Variants in DSCAM observed in about 807,000 individuals in gnomAD.
DSCAM encodes DS cell adhesion molecule.
A neutral mutation model predicts 217.7 loss-of-function variants in DSCAM; 47 were observed. That is an observed-to-expected ratio of 0.22 (90% CI 0.17 to 0.28). The LOEUF is 0.28. DSCAM is among the 10% of genes least tolerant of loss of function. The pLI, the probability that DSCAM is intolerant of heterozygous loss-of-function variation, is 1.00. For missense variants in DSCAM, 2,080 were observed against 2,618.3 expected (o/e 0.79, Z 4.49); for synonymous variants, 1,056 against 1,015.3 (o/e 1.04, Z -0.76).
At chr21:40,517,492 A>G (rs2076312433) in intron 3 of DSCAM, among the ~76,000 whole-genome samples, 1 of 151,556 alleles carries the variant, frequency 6.6e-6, no homozygotes, top group African/African-American at 2.4e-5. Context: ...CTACCATATA[A>G]CATTGTTAGG....
At chr21:40,453,244 A>G (rs781772112) in intron 3 of DSCAM, among the ~76,000 whole-genome samples, 1 of 152,120 alleles carries the variant, frequency 6.6e-6, no homozygotes, top group Non-Finnish European at 1.5e-5. Flanking sequence ...GTACTCCCTT[A>G]TCTCTTTCAG....
At chr21:40,317,288 C>G (rs1333394867) in intron 8 of DSCAM, among the ~76,000 whole-genome samples, 1 of 152,168 alleles carries the variant, frequency 6.6e-6, no homozygotes, top group East Asian at 1.9e-4. Context: ...ATTACTGACC[C>G]AGTCTGATAC....
chr21:40,178,918 C>T lies in DSCAM; in HGVS notation c.2947+9G>A, dbSNP rs1482080026. 1 of 1,612,766 alleles carries T rather than the reference C, an allele frequency of 6.2e-7. No homozygotes were observed. The highest frequency in any genetic ancestry group is 8.5e-7 in the Non-Finnish European group (1 of 1,179,940). ...CCTCTGGAGCAAGGTTCCGCCCGGT[C>T]CCACGTACCTGCCTCGTCCGCCGTG... On this transcript the variant is annotated intron_variant, in intron 15 of 32. Transcript: ENST00000400454.
chr21:40,737,716 C>A (rs1324814662), intron 1 of DSCAM, among the ~76,000 whole-genome samples: 5 of 152,176 alleles, frequency 3.3e-5, no homozygotes, highest in Admixed American at 3.3e-4. Context: ...CACTAAGCCA[C>A]AGGGAGAGGA....
Position 40,042,504 on chromosome 21 carries a change from T to G in DSCAM, c.5553A>C (p.Thr1851=), listed in dbSNP as rs771399250. 8 of 1,614,098 alleles carry G rather than the reference T, an allele frequency of 5.0e-6. No individual in the cohort carries two copies. The highest frequency in any genetic ancestry group is 6.8e-6 in the Non-Finnish European group (8 of 1,180,044). Residue 1851 remains threonine (T), a synonymous_variant, in exon 32 of 33, where the codon ACA becomes ACC. Coordinates refer to ENST00000400454, the MANE Select transcript of DSCAM (RefSeq NM_001389.5). The part of the protein sequence containing the change: ...DTSSEQLTAG[T]NEYTDSLTSS... ...AGGTCAGACTGTCCGTGTACTCATT[T>G]GTCCCTGCCGTCAACTGCTCCGATG...
chr21:40,425,447 T>C lies in DSCAM; in HGVS notation c.509-56202A>G, dbSNP rs535438707. ...GCAGCACACCAACCTGGCGCATGTA[T>C]ACATATGTAACAAACCTGCACGTTG... On this transcript the variant is annotated intron_variant, in intron 3 of 32. Coordinates refer to ENST00000400454, the MANE Select transcript of DSCAM (RefSeq NM_001389.5). 1.9e-3 allele frequency among the ~76,000 whole-genome samples: 295 copies of C among 152,200 alleles called. 1 individual carries two copies. The highest frequency in any genetic ancestry group is 6.7e-3 in the African/African-American group (280 of 41,534).
chr21:40,573,848 A>G (rs1468498768), intron 3 of DSCAM, among the ~76,000 whole-genome samples: 2 of 152,172 alleles, frequency 1.3e-5, no homozygotes, highest in Non-Finnish European at 2.9e-5. Context: ...AATATCATAA[A>G]CAACTTTATG....
chr21:40,631,221 T>C (rs938165231), intron 3 of DSCAM, among the ~76,000 whole-genome samples: 1 of 152,184 alleles, frequency 6.6e-6, no homozygotes, highest in African/African-American at 2.4e-5. Context: ...AGATCAGCTC[T>C]GCCACAGTGC....
In DSCAM at chr21:40,362,739, GAGTT is replaced by G. The variant is rs144960049; in HGVS notation, c.655+6356_655+6359del. 3.3e-3 allele frequency among the ~76,000 whole-genome samples: 497 copies of G among 152,240 alleles called. 2 individuals carry two copies. Among genetic ancestry groups the G allele is most frequent in the African/African-American group, 0.011 (469 of 41,556 alleles). ...TTTAATCATCTGTTATCAGAATGAA[GAGTT>G]AGTGCCCTGGTTTCTACTATGCAGA... On this transcript the variant is annotated intron_variant, in intron 4 of 32. Coordinates refer to ENST00000400454, the MANE Select transcript of DSCAM (RefSeq NM_001389.5).
chr21:40,722,913 T>G (rs2090916982), intron 1 of DSCAM, among the ~76,000 whole-genome samples: 1 of 152,142 alleles, frequency 6.6e-6, no homozygotes, highest in African/African-American at 2.4e-5. Flanking sequence ...GAAATATTAC[T>G]AGGGACAGAT....
chr21:40,344,548 CTG>C (rs1479969240), intron 6 of DSCAM, among the ~76,000 whole-genome samples: 1 of 152,092 alleles, frequency 6.6e-6, no homozygotes, highest in Non-Finnish European at 1.5e-5. Context: ...GTTGGCAGGG[CTG>C]TGTCTTTGTT....
At chr21:40,198,582 G>A (rs1168125730) in intron 11 of DSCAM, among the ~76,000 whole-genome samples, 1 of 152,212 alleles carries the variant, frequency 6.6e-6, no homozygotes, top group South Asian at 2.1e-4. Context: ...GCAGGGAGGG[G>A]TGCCACACCC....
At chr21:40,442,506 AT>A (rs869234676) in intron 3 of DSCAM, among the ~76,000 whole-genome samples, 4 of 107,102 alleles carry the variant, frequency 3.7e-5, no homozygotes, top group East Asian at 2.4e-4. Context: ...AAGACCCCTA[AT>A]TTTTTTTTTG....
intron 18 of DSCAM, among the ~76,000 whole-genome samples, chr21:40,138,037 C>A (rs529752347): frequency 2.5e-4 from 38 of 152,252 alleles, no homozygotes; most frequent in Middle Eastern, 3.4e-3. Flanking sequence ...CATGATTTAA[C>A]TTTCTGACCA....
intron 3 of DSCAM, among the ~76,000 whole-genome samples, chr21:40,583,481 C>T (rs2076920586): frequency 6.6e-6 from 1 of 152,180 alleles, no homozygotes; most frequent in Admixed American, 6.5e-5. Flanking sequence ...TCTTCCACCA[C>T]ACCTGACTCT....
intron 2 of DSCAM, among the ~76,000 whole-genome samples, chr21:40,698,760 C>T (rs1039538140): frequency 2.0e-5 from 3 of 151,344 alleles, no homozygotes; most frequent in African/African-American, 4.9e-5. Flanking sequence ...ATCCCAGCTA[C>T]TAGTGCGGCT....
chr21:40,744,026 G>C (rs2091150408), intron 1 of DSCAM, among the ~76,000 whole-genome samples: 1 of 152,124 alleles, frequency 6.6e-6, no homozygotes, highest in African/African-American at 2.4e-5. Flanking sequence ...TAATAACTAA[G>C]AAAAATGGTC....
chr21:40,345,389 T>C (rs1248325466), intron 6 of DSCAM, among the ~76,000 whole-genome samples: 3 of 152,214 alleles, frequency 2.0e-5, no homozygotes, highest in East Asian at 3.8e-4. Context: ...CAACTTGATT[T>C]TGGTGTCTCT....
At chr21:40,230,310 T>C (rs183941041) in intron 11 of DSCAM, among the ~76,000 whole-genome samples, 1 of 152,360 alleles carries the variant, frequency 6.6e-6, no homozygotes, top group Admixed American at 6.5e-5. Context: ...TGAAGCAATC[T>C]GAACATTGTG....
Sources: allele counts gnomAD v4.1 joint callset (sites outside exome capture counted in the v4.1 genomes callset), GRCh38; gene constraint gnomAD v4.1.1; transcripts MANE v1.5; gene names NCBI Gene and HGNC (gene_info 2026-07-23, HGNC 2026-07-21).